DNAH17: variants seen among roughly 807,000 people sequenced by gnomAD.
The protein encoded by DNAH17 is axonemal beta dynein heavy chain 17.
Under a neutral mutation model 485.6 loss-of-function variants are expected in DNAH17, and 376 were observed. The observed-to-expected ratio is 0.77, with a 90% CI of 0.71 to 0.84. The LOEUF is 0.84. Among genes scored for constraint, DNAH17 ranks in the 40% least tolerant of loss-of-function variants. The pLI is 0.00. For missense variants in DNAH17, 6,370 were observed against 5,839.3 expected, an observed-to-expected ratio of 1.09 and a Z score of -2.96; for synonymous variants, 3,031 against 2,405.9, an observed-to-expected ratio of 1.26 and a Z score of -7.60.
At chr17:78,536,399 G>A (rs907295871) in intron 19 of DNAH17, among the ~76,000 whole-genome samples, 39 of 152,106 alleles carry the variant, frequency 2.6e-4, no homozygotes, top group African/African-American at 9.2e-4. Context: ...GCAGTCAGCT[G>A]AGATTATGCT....
At chr17:78,457,122 G>A (rs1481381727) in intron 62 of DNAH17, among the ~76,000 whole-genome samples, 2 of 152,248 alleles carry the variant, frequency 1.3e-5, no homozygotes, top group Non-Finnish European at 2.9e-5. Context: ...TGTAATCCCA[G>A]CACTTTGGGA....
intron 4 of DNAH17, 97 bp from the exon 5 acceptor site, chr17:78,571,475 G>T (rs528231447): frequency 6.8e-7 from 1 of 1,478,552 alleles, no homozygotes; most frequent in Non-Finnish European, 9.4e-7. Flanking sequence ...CAGAATTTAC[G>T]CAGGTCATCA....
chr17:78,429,362 G>A (rs151244037), intron 75 of DNAH17, 62 bp from the exon 76 acceptor site: 2 of 1,554,476 alleles, frequency 1.3e-6, no homozygotes, highest in African/African-American at 1.4e-5. Context: ...GCCATGAGAG[G>A]GTCAGGCTCA....
At chr17:78,548,527 A>T (rs997331549) in intron 16 of DNAH17, among the ~76,000 whole-genome samples, 1 of 152,150 alleles carries the variant, frequency 6.6e-6, no homozygotes, top group African/African-American at 2.4e-5. Flanking sequence ...TTTAAGAAAA[A>T]ATGTCTTAGG....
intron 69 of DNAH17, 99 bp downstream of exon 69, chr17:78,449,315 G>C (rs2087445248): frequency 7.8e-7 from 1 of 1,280,750 alleles, no homozygotes; most frequent in African/African-American, 1.5e-5. Context: ...CACCAGGTTT[G>C]GGTGGGGGCC....
intron 15 of DNAH17, 77 bp from the exon 16 acceptor site, chr17:78,551,715 GC>G: frequency 6.9e-7 from 1 of 1,441,310 alleles, no homozygotes; most frequent in Non-Finnish European, 9.7e-7. Context: ...TGTAATCTCA[GC>G]CCTTTGGGAG....
chr17:78,520,709 A>C (rs1263434674), intron 25 of DNAH17, among the ~76,000 whole-genome samples: 2 of 142,428 alleles, frequency 1.4e-5, no homozygotes, highest in Non-Finnish European at 3.2e-5. Context: ...AACAAAATGA[A>C]ATCACAAAAA....
Position 78,424,122 on chromosome 17 carries a change from G to A in DNAH17, c.13173C>T (p.Ile4391=), listed in dbSNP as rs374179775. 61 of 1,613,158 alleles carry A rather than the reference G, an allele frequency of 3.8e-5. 1 individual carries two copies. Among genetic ancestry groups the A allele is most frequent in the African/African-American group, 2.9e-4 (22 of 74,932 alleles). The change falls in exon 81 of 81, where the codon ATC becomes ATT. Residue 4391 remains isoleucine, a synonymous_variant. Transcript: ENST00000389840. The part of the protein sequence containing the change: ...GARWDTQTGV[I]AEARLKELTP... ...TCAGCTCTTTCAGCCGCGCTTCAGC[G>A]ATGACTCCAGTCTGGGTGTCCCAGC...
At chr17:78,495,784 GC>G in intron 38 of DNAH17, 90 bp downstream of exon 38, 2 of 1,466,872 alleles carry the variant, frequency 1.4e-6, no homozygotes, top group South Asian at 1.4e-5. Flanking sequence ...CTTGCCCTCT[GC>G]CCCTCCCCTC....
At position 78,454,666 on chromosome 17, in the gene DNAH17, G is replaced by A. The variant is rs1281646129; in HGVS notation, c.10210C>T (p.Leu3404=). Residue 3404 remains leucine, a synonymous_variant, in exon 64 of 81, where the codon CTG becomes TTG. Transcript: ENST00000389840. ...GCCACGTCCGCGTCATCTGTCAGCAGGCTCAAGGGATCCAGGCCATTCGTG... is the reference window on the plus strand; with the variant it reads ...GCCACGTCCGCGTCATCTGTCAGCAAGCTCAAGGGATCCAGGCCATTCGTG... ...PITNGLDPLS[L]LTDDADVATW... 5 of 1,612,976 alleles carry A rather than the reference G, an allele frequency of 3.1e-6. No homozygotes were observed. Among genetic ancestry groups the A allele is most frequent in the Non-Finnish European group, 2.5e-6 (3 of 1,179,874 alleles).
chr17:78,562,119 A>T, intron 11 of DNAH17, 139 bp from the exon 12 acceptor site: 1 of 1,073,506 alleles, frequency 9.3e-7, no homozygotes, highest in East Asian at 2.6e-5. Context: ...ATCCACTGGA[A>T]CCTTTGTGTG....
intron 16 of DNAH17, among the ~76,000 whole-genome samples, chr17:78,547,093 AC>A (rs2091783917): frequency 6.6e-6 from 1 of 152,140 alleles, no homozygotes; most frequent in African/African-American, 2.4e-5. Flanking sequence ...TTGGAATGTA[AC>A]CTTTTACAAC....
intron 51 of DNAH17, among the ~76,000 whole-genome samples, chr17:78,478,586 A>G (rs1598532756): frequency 6.6e-6 from 1 of 151,110 alleles, no homozygotes; most frequent in African/African-American, 2.4e-5. Context: ...CATTACCACC[A>G]TCACTACCAC....
chr17:78,501,542 G>T, intron 34 of DNAH17, 198 bp from the exon 35 acceptor site: 1 of 965,992 alleles, frequency 1.0e-6, no homozygotes, highest in Non-Finnish European at 1.5e-6. Context: ...CTTCCAATGG[G>T]CGGGCACCGC....
intron 80 of DNAH17, 168 bp from the exon 81 acceptor site, chr17:78,424,321 G>T: frequency 2.6e-6 from 2 of 782,526 alleles, no homozygotes; most frequent in Non-Finnish European, 3.9e-6. Context: ...CGTAGGTGAT[G>T]GCCTGCATGT....
chr17:78,532,035 G>T (rs1218485473), intron 20 of DNAH17, among the ~76,000 whole-genome samples: 1 of 152,164 alleles, frequency 6.6e-6, no homozygotes, highest in Non-Finnish European at 1.5e-5. Context: ...CCTTGATGGG[G>T]CTCTCACAGG....
intron 14 of DNAH17, among the ~76,000 whole-genome samples, chr17:78,557,662 A>AAAAAAAAAAAC: frequency 6.7e-6 from 1 of 149,634 alleles, no homozygotes; most frequent in East Asian, 1.9e-4. Context: ...AAAAAAAAAA[A>AAAAAAAAAAAC]AGTAACGTAA....
At chr17:78,518,158 A>G (rs886278413) in intron 25 of DNAH17, among the ~76,000 whole-genome samples, 3 of 152,256 alleles carry the variant, frequency 2.0e-5, no homozygotes, top group Admixed American at 2.0e-4. Context: ...ATTACCTTAA[A>G]TGCAAAATGG....
intron 19 of DNAH17, among the ~76,000 whole-genome samples, chr17:78,536,504 A>AC (rs942865614): frequency 2.0e-5 from 3 of 151,484 alleles, no homozygotes; most frequent in Admixed American, 2.0e-4. Flanking sequence ...ACATGGCAAA[A>AC]CCCCATCTCT....
Sources: allele counts gnomAD v4.1 joint callset (sites outside exome capture counted in the v4.1 genomes callset), GRCh38; gene constraint gnomAD v4.1.1; transcripts MANE v1.5; gene names NCBI Gene and HGNC (gene_info 2026-07-23, HGNC 2026-07-21).